Variants in DNAJC27 observed in about 807,000 individuals in gnomAD.
The protein encoded by DNAJC27 is dnaJ homolog subfamily C member 27.
DNAJC27 carries 25 observed loss-of-function variants against 31.4 expected under a neutral mutation model. That is an observed-to-expected ratio of 0.80 (90% CI 0.58 to 1.11). The LOEUF (loss-of-function observed/expected upper bound fraction) is 1.11. Ranked by LOEUF, DNAJC27 falls within the 50% of genes most tolerant of loss-of-function variation. DNAJC27 has a pLI of 0.00. For synonymous variants in DNAJC27, 106 were observed against 112.7 expected (o/e 0.94, Z 0.37); for missense variants, 356 against 347.3 (o/e 1.02, Z -0.20).
Position 24,946,176 on chromosome 2 carries a change from G to A in DNAJC27, c.*1440C>T, listed in dbSNP as rs2149118612. The stretch of plus-strand genomic sequence containing the variant: ...TCATCCATCCCTTGTATATCAAGGA[G>A]GAGACTGTGGTCAGAGAATGTATTT... On this transcript the variant is annotated 3_prime_UTR_variant, in exon 7 of 7. Transcript: ENST00000264711. The A allele has an allele frequency of 6.6e-6, 1 of 152,302 alleles. No homozygotes were observed. The highest frequency in any genetic ancestry group is 1.5e-5 in the Non-Finnish European group (1 of 68,030). 9.4% of individuals were successfully genotyped at this position (152,302 alleles called of 1,614,324 possible).
chr2:24,953,274 T>C (rs1435124465), intron 5 of DNAJC27, among the ~76,000 whole-genome samples: 1 of 152,216 alleles, frequency 6.6e-6, no homozygotes, highest in Non-Finnish European at 1.5e-5. Context: ...TTTTAGACTC[T>C]CCTTTCTGAT....
Position 24,947,573 on chromosome 2 carries a change from CTGTT to C in DNAJC27, c.*39_*42del. ...TGGTTATTTCACCTCTAGGGAAAGT[CTGTT>C]TGCATTTGAGTCCCACATGTGGCTT... On this transcript the variant is annotated 3_prime_UTR_variant, in exon 7 of 7. Transcript: ENST00000264711. The C allele has an allele frequency of 6.4e-7, 1 of 1,559,272 alleles. No homozygotes were observed.
In DNAJC27 at chr2:24,945,733, A is replaced by T. The variant is rs1665633279; in HGVS notation, c.*1883T>A. On this transcript the variant is annotated 3_prime_UTR_variant, in exon 7 of 7. Transcript: ENST00000264711. ...ATAACATATATCAATCAGTTCATTT[A>T]AAAAGTTGTTTTGATATTACCAAGA... The T allele has an allele frequency of 6.6e-6, 1 of 152,236 alleles. No individual in the cohort carries two copies. Among genetic ancestry groups the T allele is most frequent in the Admixed American group, 6.5e-5 (1 of 15,288 alleles). 9.4% of individuals were successfully genotyped at this position (152,236 alleles called of 1,614,324 possible).
At chr2:24,955,922 G>A (rs1665894083) in intron 5 of DNAJC27, among the ~76,000 whole-genome samples, 5 of 152,218 alleles carry the variant, frequency 3.3e-5, no homozygotes, top group African/African-American at 9.6e-5. Context: ...GATGAAATGT[G>A]TAAAATTCTC....
At chr2:24,952,486 C>A (rs1573108884) in intron 5 of DNAJC27, among the ~76,000 whole-genome samples, 1 of 152,090 alleles carries the variant, frequency 6.6e-6, no homozygotes, top group East Asian at 1.9e-4. Context: ...ATTTGTGTAA[C>A]CAACTCTCTA....
intron 5 of DNAJC27, among the ~76,000 whole-genome samples, chr2:24,956,815 T>C (rs1665914575): frequency 2.0e-5 from 3 of 152,240 alleles, no homozygotes; most frequent in Non-Finnish European, 2.9e-5. Flanking sequence ...CAGGTAATTC[T>C]GGTGATCAGC....
intron 1 of DNAJC27, among the ~76,000 whole-genome samples, chr2:24,968,739 TC>T (rs1362962113): frequency 6.6e-6 from 1 of 152,192 alleles, no homozygotes; most frequent in Non-Finnish European, 1.5e-5. Flanking sequence ...GTCTCTATTT[TC>T]CCATAATTTT....
rs1323850621 is a variant in DNAJC27 at position 24,945,680 on chromosome 2, TA to T, written c.*1935del. On this transcript the variant is annotated 3_prime_UTR_variant, in exon 7 of 7. Coordinates refer to ENST00000264711, the MANE Select transcript of DNAJC27 (RefSeq NM_016544.3). Reference sequence around the variant, plus strand: ...GAGTTCTGTAGCCTCAGAAGCCAGTTAAAGGCCAGAGGAAAACCTCGCAAGA... The same window carrying T: ...GAGTTCTGTAGCCTCAGAAGCCAGTTAAGGCCAGAGGAAAACCTCGCAAGA... 1 of 151,928 alleles carries T rather than the reference TA, an allele frequency of 6.6e-6. No homozygotes were observed. Among genetic ancestry groups the T allele is most frequent in the Non-Finnish European group, 1.5e-5 (1 of 68,034 alleles). The allele number at this position is 151,928 out of a possible 1,614,324, so 9.4% of individuals were successfully genotyped here.
In DNAJC27 at chr2:24,971,851, T is replaced by C. The variant is rs966946419; in HGVS notation, c.54A>G (p.Lys18=). The change falls in exon 1 of 7, where the codon AAA becomes AAG. Residue 18 remains lysine, a synonymous_variant. Transcript: ENST00000264711. ...RKEPGRSLRI[K]VISMGNAEVG... ...CTTCGGCGTTGCCCATGGAGATGAC[T>C]TTGATGCGGAGAGACCTGCCGGGCT... 6.2e-7 allele frequency: 1 copy of C among 1,609,306 alleles called. No homozygotes were observed. Among genetic ancestry groups the C allele is most frequent in the Non-Finnish European group, 8.5e-7 (1 of 1,178,170 alleles).
intron 5 of DNAJC27, among the ~76,000 whole-genome samples, chr2:24,954,694 G>C (rs1811421): frequency 6.6e-6 from 1 of 152,114 alleles, no homozygotes; most frequent in Non-Finnish European, 1.5e-5. Flanking sequence ...TCCCAGCACT[G>C]TGGGAGGCCG....
Position 24,959,313 on chromosome 2 carries a change from T to G in DNAJC27, c.241-1339A>C, listed in dbSNP as rs74920895. ...AATCCCCCAAATCCTGTCCTATGCC[T>G]TCTTCCTTTCGTTTTGAATCCTTCC... On this transcript the variant is annotated intron_variant, in intron 3 of 6. Transcript: ENST00000264711. Among the ~76,000 whole-genome samples the G allele has an allele frequency of 3.4e-4, 52 of 152,300 alleles. No homozygotes were observed. In the East Asian group the frequency reaches 8.7e-3, roughly 25 times the overall value.
chr2:24,958,107 G>A (rs1174345106), intron 3 of DNAJC27, 133 bp from the exon 4 acceptor site: 1 of 760,940 alleles, frequency 1.3e-6, no homozygotes, highest in African/African-American at 1.8e-5. Flanking sequence ...GTTTCTACTG[G>A]TCATTAGAGG....
In DNAJC27 at chr2:24,947,416, C is replaced by A; in HGVS notation, c.*200G>T. 1.8e-6 allele frequency: 1 copy of A among 561,112 alleles called. No individual in the cohort carries two copies. Among genetic ancestry groups the A allele is most frequent in the East Asian group, 2.8e-5 (1 of 35,620 alleles). The allele number at this position is 561,112 out of a possible 1,614,324, so 34.8% of individuals were successfully genotyped here. On this transcript the variant is annotated 3_prime_UTR_variant, in exon 7 of 7. Coordinates refer to ENST00000264711, the MANE Select transcript of DNAJC27 (RefSeq NM_016544.3). ...GAAATGAAGTACAGGGTGTGACGCTCAGTTCACTTCATACAAATGCAGGTC... is the reference window on the plus strand; with the variant it reads ...GAAATGAAGTACAGGGTGTGACGCTAAGTTCACTTCATACAAATGCAGGTC...
At chr2:24,967,354 G>A in intron 1 of DNAJC27, 61 bp from the exon 2 acceptor site, 1 of 1,179,898 alleles carries the variant, frequency 8.5e-7, no homozygotes, top group Non-Finnish European at 1.2e-6. Flanking sequence ...TACAGAATAA[G>A]TATATTTCTT....
At chr2:24,972,057 C>T, upstream of DNAJC27, 5 of 568,550 alleles carry the variant, frequency 8.8e-6, no homozygotes, top group Middle Eastern at 4.9e-4. Context: ...GCAGCAGGCG[C>T]GGGCGGTTGG....
rs1041712244 is a variant in DNAJC27, at chr2:24,947,098, G to A, written c.*518C>T. 1.3e-5 allele frequency: 2 copies of A among 152,524 alleles called. No individual in the cohort carries two copies. Among genetic ancestry groups the A allele is most frequent in the African/African-American group, 2.4e-5 (1 of 41,430 alleles). 9.4% of individuals were successfully genotyped at this position (152,524 alleles called of 1,614,324 possible). Reference sequence around the variant, plus strand: ...ACAAACTCCCAAAGGGCTGCCAAGAGTCATCATTATAGATCGATGGGTTAA... The same window carrying A: ...ACAAACTCCCAAAGGGCTGCCAAGAATCATCATTATAGATCGATGGGTTAA... On this transcript the variant is annotated 3_prime_UTR_variant, in exon 7 of 7. Transcript: ENST00000264711.
At position 24,971,726 on chromosome 2, in the gene DNAJC27, G is replaced by C. The variant is rs1005979572; in HGVS notation, c.87+92C>G. 5.2e-6 allele frequency: 6 copies of C among 1,159,870 alleles called. No homozygotes were observed. The Admixed American group carries it at 1.5e-4, about 29-fold the overall frequency. The allele number at this position is 1,159,870 out of a possible 1,614,324, so 71.8% of individuals were successfully genotyped here. ...CCTGCTCGGGGGCGGAGAGGAGGCC[G>C]GGCCCCAGGCTGTTGAGTGGCCGCC... On this transcript the variant is annotated intron_variant, in intron 1 of 6. Coordinates refer to ENST00000264711, the MANE Select transcript of DNAJC27 (RefSeq NM_016544.3).
rs760651274 is a variant in DNAJC27, at chr2:24,946,218, A to G, written c.*1398T>C. 3 of 152,164 alleles carry G rather than the reference A, an allele frequency of 2.0e-5. No individual in the cohort carries two copies. Among genetic ancestry groups the G allele is most frequent in the Non-Finnish European group, 4.4e-5 (3 of 68,008 alleles). 9.4% of individuals were successfully genotyped at this position (152,164 alleles called of 1,614,324 possible). A position where few individuals can be genotyped will look rare whatever the true frequency, so the allele number is the denominator to read the frequency against. ...AATGTATTTTGTAAGCTATAGTTTAAAAATATTACTCTTCAGAAATTTGGA... is the reference window on the plus strand; with the variant it reads ...AATGTATTTTGTAAGCTATAGTTTAGAAATATTACTCTTCAGAAATTTGGA... On this transcript the variant is annotated 3_prime_UTR_variant, in exon 7 of 7. Transcript: ENST00000264711.
In DNAJC27 at chr2:24,957,087, C is replaced by A. The variant is rs777041851; in HGVS notation, c.484G>T (p.Glu162Ter). ...WAESKGFLYF[E>*]TSAQTGEGIN... is the part of the protein sequence containing the mutation. Reference sequence around the variant, plus strand: ...CCTTCTCCAGTTTGTGCTGAAGTTTCAAAGTACAGGAACCCTTTGCTTTCA... The same window carrying A: ...CCTTCTCCAGTTTGTGCTGAAGTTTAAAAGTACAGGAACCCTTTGCTTTCA... The change falls in exon 5 of 7, where the codon GAA becomes TAA. Residue 162 changes from glutamate (E) to a stop codon, truncating the protein, a stop_gained. Transcript: ENST00000264711. LOFTEE classifies it high-confidence loss of function. 4 of 1,610,340 alleles carry A rather than the reference C, an allele frequency of 2.5e-6. No homozygotes were observed. Among genetic ancestry groups the A allele is most frequent in the Non-Finnish European group, 3.4e-6 (4 of 1,178,788 alleles).
Sources: gnomAD v4.1 joint callset for allele counts (sites outside exome capture counted in the v4.1 genomes callset) on GRCh38, gnomAD v4.1.1 for gene constraint, MANE v1.5 for transcripts, NCBI Gene and HGNC (gene_info 2026-07-23, HGNC 2026-07-21) for gene names.